Variants in RFTN2 observed in about 807,000 individuals in gnomAD.
The protein encoded by RFTN2 is raftlin-2.
A neutral mutation model predicts 52.7 loss-of-function variants in RFTN2; 34 were observed. The observed-to-expected ratio is 0.64, with a 90% CI of 0.49 to 0.86. The LOEUF is 0.86. Among genes scored for constraint, RFTN2 ranks in the 40% least tolerant of loss-of-function variants. The pLI is 0.00. For synonymous variants in RFTN2, 203 were observed against 217.7 expected, an observed-to-expected ratio of 0.93 and a Z score of 0.59; for missense variants, 536 against 600.1, an observed-to-expected ratio of 0.89 and a Z score of 1.12.
intron 1 of RFTN2, among the ~76,000 whole-genome samples, chr2:197,661,919 G>T (rs892123427): frequency 6.6e-6 from 1 of 152,078 alleles, no homozygotes; most frequent in African/African-American, 2.4e-5. Flanking sequence ...TCATATACCT[G>T]TTGGCCATTT....
At chr2:197,603,803 T>C (rs2087916941) in intron 7 of RFTN2, among the ~76,000 whole-genome samples, 1 of 152,196 alleles carries the variant, frequency 6.6e-6, no homozygotes, top group Non-Finnish European at 1.5e-5. Context: ...GGTGGGTGCC[T>C]GTAATCCCAG....
Position 197,624,346 on chromosome 2 carries a change from T to C in RFTN2, c.929-6425A>G, listed in dbSNP as rs574892492. On this transcript the variant is annotated intron_variant, in intron 5 of 8. Coordinates refer to ENST00000295049, the MANE Select transcript of RFTN2 (RefSeq NM_144629.3). ...GTGGCGCGGTGACTCATGCCTGTAA[T>C]CCCAGCACTTTGGGAGGCTGAGGTG... 4.7e-4 allele frequency among the ~76,000 whole-genome samples: 72 copies of C among 151,690 alleles called. 2 individuals are homozygous for C. In the South Asian group the frequency reaches 8.5e-3, roughly 18 times the overall value.
chr2:197,580,395 T>A (rs2087486665), intron 8 of RFTN2, among the ~76,000 whole-genome samples: 1 of 152,236 alleles, frequency 6.6e-6, no homozygotes, highest in African/African-American at 2.4e-5. Context: ...CTTCAAGTGC[T>A]GGCTAATCTG....
At chr2:197,606,641 C>CAA (rs1406628402) in intron 7 of RFTN2, among the ~76,000 whole-genome samples, 2 of 150,584 alleles carry the variant, frequency 1.3e-5, no homozygotes, top group Non-Finnish European at 3.0e-5. Flanking sequence ...AAGAAAAAAA[C>CAA]AAACAACCCC....
chr2:197,665,877 T>C (rs1202006286), intron 1 of RFTN2, among the ~76,000 whole-genome samples: 1 of 152,182 alleles, frequency 6.6e-6, no homozygotes, highest in African/African-American at 2.4e-5. Flanking sequence ...AGCTTGGTGG[T>C]TTTCTGTAGT....
intron 8 of RFTN2, among the ~76,000 whole-genome samples, chr2:197,575,865 T>TTATATATTATATATTATATATAATA (rs1383903454): frequency 1.9e-5 from 2 of 106,178 alleles, no homozygotes; most frequent in Non-Finnish European, 4.0e-5. Context: ...CATAATATAT[T>TTATATATTATATATTATATATAATA]TATATATTAT....
At chr2:197,596,199 CTTTTTT>C in intron 7 of RFTN2, 130 bp from the exon 8 acceptor site, 1 of 473,930 alleles carries the variant, frequency 2.1e-6, no homozygotes, top group Non-Finnish European at 3.6e-6. Context: ...AAATATAAAT[CTTTTTT>C]TTCTTCCAGT....
chr2:197,582,335 C>A lies in RFTN2; in HGVS notation c.1234-10055G>T, dbSNP rs188197805. Among the ~76,000 whole-genome samples the A allele has an allele frequency of 1.4e-3, 214 of 152,354 alleles. 3 individuals carry two copies. The highest frequency in any genetic ancestry group is 8.3e-3 in the South Asian group (40 of 4,830). ...CATTGTTCCTGGCCCAGACTTCAAT[C>A]TGGCCTCCCACATTATTCTGGATAC... On this transcript the variant is annotated intron_variant, in intron 8 of 8. Transcript: ENST00000295049.
At chr2:197,630,766 A>G (rs1406818905) in intron 5 of RFTN2, among the ~76,000 whole-genome samples, 1 of 152,174 alleles carries the variant, frequency 6.6e-6, no homozygotes, top group Admixed American at 6.6e-5. Flanking sequence ...GTGGTTTCCC[A>G]ATTACAACCC....
intron 3 of RFTN2, among the ~76,000 whole-genome samples, chr2:197,640,606 G>A (rs982453049): frequency 6.6e-5 from 10 of 152,228 alleles, no homozygotes; most frequent in Admixed American, 1.3e-4. Flanking sequence ...CGCACGGTGC[G>A]CGCACCCACT....
At position 197,626,376 on chromosome 2, in the gene RFTN2, G is replaced by A. The variant is rs79544304; in HGVS notation, c.928+4635C>T. 1.3e-3 allele frequency among the ~76,000 whole-genome samples: 202 copies of A among 151,880 alleles called. 7 individuals are homozygous for A. The East Asian group carries it at 0.035, about 26-fold the overall frequency. On this transcript the variant is annotated intron_variant, in intron 5 of 8. Coordinates refer to ENST00000295049, the MANE Select transcript of RFTN2 (RefSeq NM_144629.3). ...AAGCCAGGAGTTTGAGACCAACCTGGGCAGCAAAGCGAGACCATGTCTACA... is the reference window on the plus strand; with the variant it reads ...AAGCCAGGAGTTTGAGACCAACCTGAGCAGCAAAGCGAGACCATGTCTACA...
At chr2:197,580,913 AT>A (rs1288165940) in intron 8 of RFTN2, among the ~76,000 whole-genome samples, 1 of 152,026 alleles carries the variant, frequency 6.6e-6, no homozygotes, top group African/African-American at 2.4e-5. Context: ...TTCCCTGACT[AT>A]TCCTGGACCA....
At chr2:197,573,297 T>C (rs1404304458) in intron 8 of RFTN2, among the ~76,000 whole-genome samples, 1 of 152,122 alleles carries the variant, frequency 6.6e-6, no homozygotes, top group East Asian at 1.9e-4. Flanking sequence ...GAAGTCCAGG[T>C]TGAGATGATT....
intron 1 of RFTN2, among the ~76,000 whole-genome samples, chr2:197,669,746 G>A (rs1371339719): frequency 6.6e-6 from 1 of 152,202 alleles, no homozygotes; most frequent in Non-Finnish European, 1.5e-5. Context: ...GTGTGGCCCT[G>A]TTCGTGACAG....
intron 8 of RFTN2, among the ~76,000 whole-genome samples, chr2:197,579,742 T>C (rs867356990): frequency 6.6e-6 from 1 of 152,014 alleles, no homozygotes. Context: ...TACCGACCCA[T>C]CTGACCTCTC....
intron 7 of RFTN2, among the ~76,000 whole-genome samples, chr2:197,602,025 TA>T (rs1199242919): frequency 1.3e-5 from 2 of 151,984 alleles, no homozygotes; most frequent in African/African-American, 4.8e-5. Flanking sequence ...AAAATGAAAC[TA>T]AAAAAAAGTT....
At chr2:197,607,614 G>C (rs1461728688) in intron 7 of RFTN2, among the ~76,000 whole-genome samples, 1 of 151,954 alleles carries the variant, frequency 6.6e-6, no homozygotes, top group South Asian at 2.1e-4. Flanking sequence ...AATTGTCGTG[G>C]CTTAACATTT....
intron 3 of RFTN2, 141 bp from the exon 4 acceptor site, chr2:197,634,138 A>AGTTT: frequency 3.0e-6 from 2 of 677,092 alleles, no homozygotes; most frequent in Non-Finnish European, 4.9e-6. Flanking sequence ...TTCATAAACT[A>AGTTT]ATGAATCACC....
chr2:197,583,852 C>T (rs2087550259), intron 8 of RFTN2, among the ~76,000 whole-genome samples: 1 of 152,108 alleles, frequency 6.6e-6, no homozygotes, highest in Admixed American at 6.6e-5. Flanking sequence ...TGTTCAATTC[C>T]AAACTATGAG....
Sources: gnomAD v4.1 joint callset for allele counts (sites outside exome capture counted in the v4.1 genomes callset) on GRCh38, gnomAD v4.1.1 for gene constraint, MANE v1.5 for transcripts, NCBI Gene and HGNC (gene_info 2026-07-23, HGNC 2026-07-21) for gene names.